The following FSTL4 variants were observed in gnomAD, a reference collection of about 807,000 sequenced individuals.
FSTL4 encodes follistatin like 4.
In FSTL4, 28 loss-of-function variants were observed where a neutral mutation model predicts 78.2. The ratio of observed to expected loss-of-function variants is 0.36; its 90% CI spans 0.27 to 0.49. The LOEUF (loss-of-function observed/expected upper bound fraction) is 0.49, where lower values mean the gene tolerates loss of function less well. Among genes scored for constraint, FSTL4 ranks in the 20% least tolerant of loss-of-function variants. FSTL4 has a pLI of 0.98. For missense variants in FSTL4, 922 were observed against 1,084.9 expected (o/e 0.85, Z 2.11); for synonymous variants, 422 against 440.5 (o/e 0.96, Z 0.53).
At chr5:133,561,574 A>G (rs1228175049) in intron 3 of FSTL4, among the ~76,000 whole-genome samples, 2 of 152,140 alleles carry the variant, frequency 1.3e-5, no homozygotes, top group Non-Finnish European at 2.9e-5. Flanking sequence ...GAAGAGGCCA[A>G]TGTGCCAGGA....
At chr5:133,582,548 G>A (rs1405964069) in intron 2 of FSTL4, among the ~76,000 whole-genome samples, 10 of 152,154 alleles carry the variant, frequency 6.6e-5, no homozygotes, top group Admixed American at 1.3e-4. Context: ...CTCTGGAGTG[G>A]GGAGGGGTCC....
intron 6 of FSTL4, among the ~76,000 whole-genome samples, chr5:133,296,768 C>G (rs891678982): frequency 3.9e-5 from 6 of 152,230 alleles, no homozygotes; most frequent in African/African-American, 1.4e-4. Flanking sequence ...TGTTGTTTAT[C>G]TGTGTCTCCT....
At chr5:133,677,265 G>C in the FSTL4 span, among the ~76,000 whole-genome samples, 1 of 152,208 alleles carries the variant, frequency 6.6e-6, no homozygotes, top group East Asian at 1.9e-4. Context: ...TTTCCTGAGA[G>C]GCAAATCTAG....
chr5:133,446,277 T>C (rs1255385634), intron 3 of FSTL4, among the ~76,000 whole-genome samples: 2 of 152,138 alleles, frequency 1.3e-5, no homozygotes, highest in Non-Finnish European at 2.9e-5. Context: ...CTGTCTCTAC[T>C]AAAAACACAA....
At chr5:133,492,919 T>A (rs1382835185) in intron 3 of FSTL4, among the ~76,000 whole-genome samples, 1 of 152,106 alleles carries the variant, frequency 6.6e-6, no homozygotes, top group Non-Finnish European at 1.5e-5. Context: ...CTCTCTGAGC[T>A]CTTTCCTGAG....
chr5:133,280,430 G>A (rs1190237498), intron 6 of FSTL4, among the ~76,000 whole-genome samples: 1 of 152,162 alleles, frequency 6.6e-6, no homozygotes, highest in Admixed American at 6.5e-5. Flanking sequence ...TGTGAGTTGA[G>A]TTATTCCCAG....
At chr5:133,239,375 C>T (rs1370595410) in intron 7 of FSTL4, among the ~76,000 whole-genome samples, 1 of 152,238 alleles carries the variant, frequency 6.6e-6, no homozygotes, top group Non-Finnish European at 1.5e-5. Flanking sequence ...CAGGCAGCTC[C>T]ACCTGCAGAC....
intron 3 of FSTL4, among the ~76,000 whole-genome samples, chr5:133,525,810 G>C (rs31330): frequency 0.21 from 32,433 of 152,114 alleles, 3,670 homozygotes; most frequent in Admixed American, 0.26. Flanking sequence ...ACCAGTGCAG[G>C]ACTCGGACCA....
intron 1 of FSTL4, 62 bp from the exon 2 acceptor site, chr5:133,604,055 G>A (rs1580817069): frequency 1.6e-6 from 2 of 1,231,716 alleles, no homozygotes; most frequent in Admixed American, 1.7e-5. Context: ...ATAAGTCACA[G>A]TGAGTTAGTA....
At chr5:133,285,759 C>T (rs932128720) in intron 6 of FSTL4, among the ~76,000 whole-genome samples, 8 of 152,340 alleles carry the variant, frequency 5.3e-5, no homozygotes, top group African/African-American at 1.7e-4. Flanking sequence ...ATGGCTCCTT[C>T]GCTGCCCCAG....
At chr5:133,804,983 C>G in the FSTL4 span, among the ~76,000 whole-genome samples, 1 of 150,562 alleles carries the variant, frequency 6.6e-6, no homozygotes, top group African/African-American at 2.4e-5. Context: ...CATGTTGGGA[C>G]CCTCTTCACA....
intron 11 of FSTL4, among the ~76,000 whole-genome samples, chr5:133,223,107 TC>T (rs1751204460): frequency 6.6e-6 from 1 of 152,122 alleles, no homozygotes; most frequent in African/African-American, 2.4e-5. Context: ...TGTAGTAACC[TC>T]CCCTAAGGAA....
the FSTL4 span, chr5:133,720,570 C>T: frequency 3.2e-5 from 5 of 154,032 alleles, no homozygotes; most frequent in Admixed American, 2.6e-4. Context: ...CTGCTTCATC[C>T]TTGGAAACAC....
chr5:133,829,938 C>G, the FSTL4 span, among the ~76,000 whole-genome samples: 1 of 152,098 alleles, frequency 6.6e-6, no homozygotes, highest in Admixed American at 6.5e-5. Flanking sequence ...GCTCAAGACT[C>G]CCATGAGGTC....
chr5:133,837,681 G>A, the FSTL4 span, among the ~76,000 whole-genome samples: 1 of 152,084 alleles, frequency 6.6e-6, no homozygotes, highest in Non-Finnish European at 1.5e-5. Context: ...TTGGGGAGGT[G>A]TTTACCAGGA....
At chr5:133,316,856 T>C (rs545246157) in intron 4 of FSTL4, among the ~76,000 whole-genome samples, 2 of 141,930 alleles carry the variant, frequency 1.4e-5, no homozygotes, top group East Asian at 3.9e-4. Flanking sequence ...ATGGAATGCA[T>C]GCTACACATG....
intron 3 of FSTL4, among the ~76,000 whole-genome samples, chr5:133,489,697 C>T (rs1454898105): frequency 6.6e-6 from 1 of 152,166 alleles, no homozygotes; most frequent in Non-Finnish European, 1.5e-5. Flanking sequence ...TAGTATGTCA[C>T]CCCCAAAATA....
At chr5:133,704,466 C>T in the FSTL4 span, among the ~76,000 whole-genome samples, 3 of 152,152 alleles carry the variant, frequency 2.0e-5, no homozygotes. Flanking sequence ...GAAAGCAGAC[C>T]CACAAACATT....
intron 11 of FSTL4, among the ~76,000 whole-genome samples, chr5:133,221,696 T>C (rs1751110323): frequency 6.6e-6 from 1 of 152,118 alleles, no homozygotes; most frequent in Non-Finnish European, 1.5e-5. Context: ...ATTCTGTCTC[T>C]ATAAAGGGGG....
Sources: gnomAD v4.1 joint callset for allele counts (sites outside exome capture counted in the v4.1 genomes callset) on GRCh38, gnomAD v4.1.1 for gene constraint, MANE v1.5 for transcripts, NCBI Gene and HGNC (gene_info 2026-07-23, HGNC 2026-07-21) for gene names.